SLC13A3: variants seen among roughly 807,000 people sequenced by gnomAD.
The protein encoded by SLC13A3 is Na(+)/dicarboxylate cotransporter 3.
In SLC13A3, 40 loss-of-function variants were observed where a neutral mutation model predicts 59.0. That is an observed-to-expected ratio of 0.68 (90% confidence interval 0.53 to 0.88). The LOEUF (loss-of-function observed/expected upper bound fraction) is 0.88. Ranked by LOEUF, SLC13A3 falls within the 40% of genes least tolerant of loss-of-function variation. The pLI, the probability that SLC13A3 is intolerant of heterozygous loss-of-function variation, is 0.00. For missense variants in SLC13A3, 699 were observed against 783.2 expected (o/e 0.89, Z 1.28); for synonymous variants, 317 against 330.3 (o/e 0.96, Z 0.44).
chr20:46,672,317 G>C (rs971671505), upstream of SLC13A3, among the ~76,000 whole-genome samples: 1 of 152,236 alleles, frequency 6.6e-6, no homozygotes, highest in East Asian at 1.9e-4. Context: ...GTGCTGCACC[G>C]AGCAGTAGTC....
At chr20:46,597,040 G>A (rs2062319318) in intron 4 of SLC13A3, among the ~76,000 whole-genome samples, 1 of 152,102 alleles carries the variant, frequency 6.6e-6, no homozygotes, top group Non-Finnish European at 1.5e-5. Flanking sequence ...GTGACAGAGT[G>A]AGACCCTGTC....
chr20:46,642,799 G>A (rs1407462814), intron 1 of SLC13A3, among the ~76,000 whole-genome samples: 1 of 152,154 alleles, frequency 6.6e-6, no homozygotes, highest in African/African-American at 2.4e-5. Context: ...ATTATTCCCG[G>A]AGTGTCCAGG....
At chr20:46,630,683 T>C (rs2062727718) in intron 1 of SLC13A3, among the ~76,000 whole-genome samples, 1 of 152,246 alleles carries the variant, frequency 6.6e-6, no homozygotes. Flanking sequence ...ACTTAAACCA[T>C]AAGTGCCTCC....
intron 1 of SLC13A3, among the ~76,000 whole-genome samples, chr20:46,666,208 G>A (rs76546300): frequency 0.024 from 3,723 of 152,244 alleles, 139 homozygotes; most frequent in African/African-American, 0.084. Context: ...ATAACATTGA[G>A]TCACAGAAAG....
At chr20:46,578,710 T>C (rs886515832) in intron 9 of SLC13A3, among the ~76,000 whole-genome samples, 1 of 151,994 alleles carries the variant, frequency 6.6e-6, no homozygotes, top group African/African-American at 2.4e-5. Context: ...AAATTTCATG[T>C]GCTATGAAGA....
chr20:46,580,237 T>G (rs957304260), intron 9 of SLC13A3, among the ~76,000 whole-genome samples: 12 of 152,238 alleles, frequency 7.9e-5, no homozygotes, highest in African/African-American at 2.9e-4. Flanking sequence ...ATTACAGGTG[T>G]GAGCCACTGC....
chr20:46,584,171 T>G (rs1256415358), intron 8 of SLC13A3: 1 of 985,240 alleles, frequency 1.0e-6, no homozygotes, highest in Non-Finnish European at 1.2e-6. Context: ...GCATCCACAA[T>G]GTGTCCTTTA....
At chr20:46,585,575 T>C (rs1419003021) in intron 8 of SLC13A3, 3 of 1,112,944 alleles carry the variant, frequency 2.7e-6, no homozygotes, top group Non-Finnish European at 3.4e-6. Context: ...GTTTAACAAG[T>C]CTTGACAAAT....
chr20:46,640,639 T>C (rs2062838445), intron 1 of SLC13A3, among the ~76,000 whole-genome samples: 1 of 152,160 alleles, frequency 6.6e-6, no homozygotes. Flanking sequence ...GATGAATAAA[T>C]TGAGGCTCAG....
intron 8 of SLC13A3, chr20:46,584,625 G>A: frequency 2.2e-6 from 1 of 446,530 alleles, no homozygotes; most frequent in Non-Finnish European, 3.0e-6. Flanking sequence ...TTGCCAACAG[G>A]CAAGACTTGA....
At chr20:46,626,067 C>G (rs1008363863) in intron 1 of SLC13A3, among the ~76,000 whole-genome samples, 1 of 151,804 alleles carries the variant, frequency 6.6e-6, no homozygotes, top group Non-Finnish European at 1.5e-5. Context: ...TGTTTAAATT[C>G]TGGCTGCAAA....
At chr20:46,592,361 C>T (rs1331337055) in intron 6 of SLC13A3, 43 bp downstream of exon 6, 13 of 1,609,814 alleles carry the variant, frequency 8.1e-6, no homozygotes, top group Admixed American at 1.7e-5. Flanking sequence ...AAACGCCATT[C>T]CCTGCTTCCC....
chr20:46,600,584 TTAC>T, intron 3 of SLC13A3: 1 of 461,762 alleles, frequency 2.2e-6, no homozygotes, highest in Non-Finnish European at 4.5e-6. Context: ...AAGCTTAGGC[TTAC>T]CTGAGCAGCC....
intron 1 of SLC13A3, among the ~76,000 whole-genome samples, chr20:46,683,366 T>C (rs1431765158): frequency 1.3e-5 from 2 of 152,176 alleles, no homozygotes; most frequent in Non-Finnish European, 2.9e-5. Flanking sequence ...GGGCCAGGCA[T>C]GTCTAACACG....
upstream of SLC13A3, among the ~76,000 whole-genome samples, chr20:46,670,389 T>C (rs986614250): frequency 3.3e-5 from 5 of 152,222 alleles, no homozygotes; most frequent in African/African-American, 4.8e-5. Flanking sequence ...CACAGACCCA[T>C]GCCTCCTGGT....
At chr20:46,631,547 T>C (rs553942188) in intron 1 of SLC13A3, among the ~76,000 whole-genome samples, 1 of 152,206 alleles carries the variant, frequency 6.6e-6, no homozygotes, top group South Asian at 2.1e-4. Flanking sequence ...TGACCCTGAG[T>C]GAGCTCCTCC....
chr20:46,625,158 G>A (rs775930962), intron 1 of SLC13A3, among the ~76,000 whole-genome samples: 2 of 152,196 alleles, frequency 1.3e-5, no homozygotes, highest in South Asian at 2.1e-4. Context: ...AGATGAAACC[G>A]TAAAGGGGAA....
At chr20:46,657,466 G>A (rs2063002319) in intron 1 of SLC13A3, among the ~76,000 whole-genome samples, 1 of 151,776 alleles carries the variant, frequency 6.6e-6, no homozygotes, top group Admixed American at 6.6e-5. Flanking sequence ...ACTGTATTAC[G>A]AGATTTTGGC....
At chr20:46,678,752 G>A (rs1233708933) in intron 1 of SLC13A3, among the ~76,000 whole-genome samples, 6 of 152,134 alleles carry the variant, frequency 3.9e-5, no homozygotes, top group South Asian at 2.1e-4. Flanking sequence ...ATGCTGACAC[G>A]GTTTGGAGGT....
Sources: allele counts gnomAD v4.1 joint callset (sites outside exome capture counted in the v4.1 genomes callset), GRCh38; gene constraint gnomAD v4.1.1; transcripts MANE v1.5; gene names NCBI Gene and HGNC (gene_info 2026-07-23, HGNC 2026-07-21).